KCNG2: variants seen among roughly 807,000 people sequenced by gnomAD.
KCNG2 encodes voltage-gated potassium channel regulatory subunit KCNG2.
Under a neutral mutation model 12.3 loss-of-function variants are expected in KCNG2, and 7 were observed. The ratio of observed to expected loss-of-function variants is 0.57; its 90% CI spans 0.32 to 1.07. KCNG2 has a LOEUF of 1.07. Among genes scored for constraint, KCNG2 ranks in the 50% least tolerant of loss-of-function variants. The pLI is 0.04. For synonymous variants in KCNG2, 414 were observed against 351.4 expected, an observed-to-expected ratio of 1.18 and a Z score of -1.99; for missense variants, 703 against 726.0, an observed-to-expected ratio of 0.97 and a Z score of 0.36.
At position 79,866,179 on chromosome 18, in the gene KCNG2, G is replaced by A. The variant is rs374637541; in HGVS notation, c.624+1888G>A. On this transcript the variant is annotated intron_variant, in intron 3 of 3. Coordinates refer to ENST00000316249, the MANE Select transcript of KCNG2 (RefSeq NM_012283.2). Reference sequence around the variant, plus strand: ...GTATGCTGAGAGGACTGTGTGCTGAGAGGTCTGTGGGCTGAAGTCTGCGTG... The same window carrying A: ...GTATGCTGAGAGGACTGTGTGCTGAAAGGTCTGTGGGCTGAAGTCTGCGTG... Among the ~76,000 whole-genome samples the A allele has an allele frequency of 5.2e-3, 783 of 149,586 alleles. 10 individuals are homozygous for A. The highest frequency in any genetic ancestry group is 0.018 in the African/African-American group (742 of 40,290).
chr18:79,889,684 A>G (rs55757913), intron 3 of KCNG2, among the ~76,000 whole-genome samples: 35,303 of 152,254 alleles, frequency 0.23, 5,440 homozygotes, highest in Non-Finnish European at 0.33. Context: ...GTGAACCAAC[A>G]TGACATGACC....
chr18:79,879,631 G>A (rs1009100391), intron 3 of KCNG2, among the ~76,000 whole-genome samples: 5 of 152,174 alleles, frequency 3.3e-5, no homozygotes, highest in East Asian at 1.9e-4. Flanking sequence ...AAGATGCACC[G>A]CTGGGAGGTT....
At chr18:79,875,114 G>A (rs1980015525) in intron 3 of KCNG2, among the ~76,000 whole-genome samples, 1 of 152,150 alleles carries the variant, frequency 6.6e-6, no homozygotes, top group South Asian at 2.1e-4. Context: ...GTGGGTCATA[G>A]AAACCACAAC....
intron 1 of KCNG2, among the ~76,000 whole-genome samples, chr18:79,804,945 C>T (rs184620746): frequency 1.3e-5 from 2 of 152,198 alleles, no homozygotes; most frequent in African/African-American, 2.4e-5. Context: ...ATAGAATGAC[C>T]ACACACACGC....
chr18:79,887,238 CAG>C (rs1052762878), intron 3 of KCNG2, among the ~76,000 whole-genome samples: 1 of 151,334 alleles, frequency 6.6e-6, no homozygotes, highest in Non-Finnish European at 1.5e-5. Flanking sequence ...GACAGGGACA[CAG>C]GGAGGGGACA....
intron 3 of KCNG2, among the ~76,000 whole-genome samples, chr18:79,887,227 G>A (rs1980557979): frequency 6.6e-6 from 1 of 151,696 alleles, no homozygotes; most frequent in African/African-American, 2.4e-5. Context: ...AGGGTCACAG[G>A]GACAGGGACA....
At chr18:79,817,736 C>T (rs879801166) in intron 1 of KCNG2, among the ~76,000 whole-genome samples, 1 of 152,236 alleles carries the variant, frequency 6.6e-6, no homozygotes, top group Non-Finnish European at 1.5e-5. Context: ...AGCTGCCCCT[C>T]GGTGGGAAAG....
intron 3 of KCNG2, among the ~76,000 whole-genome samples, chr18:79,887,569 C>A (rs187898938): frequency 1.1e-4 from 17 of 152,278 alleles, no homozygotes; most frequent in Admixed American, 1.0e-3. Flanking sequence ...AACCACCCCC[C>A]AGCTGGGCGC....
At chr18:79,860,146 G>C (rs1005805570) in intron 2 of KCNG2, among the ~76,000 whole-genome samples, 1 of 152,152 alleles carries the variant, frequency 6.6e-6, no homozygotes, top group African/African-American at 2.4e-5. Context: ...TAAACGAACA[G>C]ATCTCATTTC....
intron 3 of KCNG2, among the ~76,000 whole-genome samples, chr18:79,880,749 C>T (rs1379543970): frequency 6.6e-6 from 1 of 152,216 alleles, no homozygotes; most frequent in African/African-American, 2.4e-5. Context: ...CACAGCACAT[C>T]ACGGCCAACT....
At chr18:79,848,632 G>A (rs942931250) in intron 1 of KCNG2, among the ~76,000 whole-genome samples, 5 of 152,238 alleles carry the variant, frequency 3.3e-5, no homozygotes, top group African/African-American at 1.2e-4. Flanking sequence ...CACTTCCGGG[G>A]ACGCAGTGGA....
At chr18:79,818,980 T>A (rs2087550533) in intron 1 of KCNG2, among the ~76,000 whole-genome samples, 1 of 152,176 alleles carries the variant, frequency 6.6e-6, no homozygotes, top group African/African-American at 2.4e-5. Flanking sequence ...CTCGACACAG[T>A]GCCCAGTTCT....
intron 3 of KCNG2, among the ~76,000 whole-genome samples, chr18:79,895,412 T>TG (rs1248442750): frequency 2.0e-5 from 3 of 152,236 alleles, no homozygotes; most frequent in African/African-American, 7.2e-5. Flanking sequence ...TGTCTTCTTT[T>TG]GATTGCATTG....
intron 1 of KCNG2, among the ~76,000 whole-genome samples, chr18:79,827,036 C>T (rs117728832): frequency 8.5e-5 from 13 of 152,378 alleles, no homozygotes; most frequent in East Asian, 1.9e-4. Context: ...TGCTTGGTGC[C>T]TTGTGAGGAC....
chr18:79,842,671 C>T (rs973366365), intron 1 of KCNG2, among the ~76,000 whole-genome samples: 1 of 152,018 alleles, frequency 6.6e-6, no homozygotes, highest in African/African-American at 2.4e-5. Context: ...AGATAGAAAG[C>T]ATAAAAAAGA....
chr18:79,888,558 CG>C (rs1568272311), intron 3 of KCNG2, among the ~76,000 whole-genome samples: 1 of 152,038 alleles, frequency 6.6e-6, no homozygotes, highest in Non-Finnish European at 1.5e-5. Context: ...GGGGCTGGGA[CG>C]GCGGCGTCCT....
chr18:79,883,626 G>A (rs1980405296), intron 3 of KCNG2, among the ~76,000 whole-genome samples: 2 of 152,200 alleles, frequency 1.3e-5, no homozygotes, highest in African/African-American at 2.4e-5. Context: ...AATTTGTGTG[G>A]CTGCTTGGGG....
chr18:79,838,782 A>C (rs2123035050), intron 1 of KCNG2, among the ~76,000 whole-genome samples: 1 of 152,308 alleles, frequency 6.6e-6, no homozygotes, highest in South Asian at 2.1e-4. Context: ...ACATATCAAA[A>C]TTTGTGAGAC....
At chr18:79,855,471 G>A (rs577760460) in intron 1 of KCNG2, among the ~76,000 whole-genome samples, 2 of 152,224 alleles carry the variant, frequency 1.3e-5, no homozygotes, top group South Asian at 2.1e-4. Flanking sequence ...CTGGTTCTCT[G>A]CTTGGTTCTG....
Sources: allele counts gnomAD v4.1 joint callset (sites outside exome capture counted in the v4.1 genomes callset), GRCh38; gene constraint gnomAD v4.1.1; transcripts MANE v1.5; gene names NCBI Gene and HGNC (gene_info 2026-07-23, HGNC 2026-07-21).